Variants in MACROD2 observed in about 807,000 individuals in gnomAD.
The protein encoded by MACROD2 is ADP-ribose glycohydrolase MACROD2.
A neutral mutation model predicts 70.4 loss-of-function variants in MACROD2; 36 were observed. The ratio of observed to expected loss-of-function variants is 0.51; its 90% CI spans 0.39 to 0.68. The LOEUF (loss-of-function observed/expected upper bound fraction) is 0.68, where lower values mean the gene tolerates loss of function less well. Among genes scored for constraint, MACROD2 ranks in the 30% least tolerant of loss-of-function variants. The pLI, the probability that MACROD2 is intolerant of heterozygous loss-of-function variation, is 0.00. For synonymous variants in MACROD2, 172 were observed against 178.8 expected (o/e 0.96, Z 0.30); for missense variants, 496 against 538.4 (o/e 0.92, Z 0.78).
At chr20:14,623,782 T>G (rs369880542) in intron 4 of MACROD2, among the ~76,000 whole-genome samples, 1 of 152,150 alleles carries the variant, frequency 6.6e-6, no homozygotes, top group East Asian at 1.9e-4. Context: ...GCAAAGAAAA[T>G]GGTGATGAGC....
At chr20:14,834,163 A>G (rs1435878226) in intron 5 of MACROD2, among the ~76,000 whole-genome samples, 1 of 151,908 alleles carries the variant, frequency 6.6e-6, no homozygotes, top group Non-Finnish European at 1.5e-5. Flanking sequence ...AACTGTTTAA[A>G]GGTTAGGAAT....
intron 7 of MACROD2, among the ~76,000 whole-genome samples, chr20:15,483,292 C>T (rs560358344): frequency 6.6e-6 from 1 of 152,224 alleles, no homozygotes; most frequent in South Asian, 2.1e-4. Flanking sequence ...TCCAGTTGTT[C>T]CAGCCCAGTT....
At chr20:14,980,741 G>A (rs2074789496) in intron 5 of MACROD2, among the ~76,000 whole-genome samples, 1 of 152,072 alleles carries the variant, frequency 6.6e-6, no homozygotes, top group African/African-American at 2.4e-5. Flanking sequence ...ATTGACCATG[G>A]TAGTATAAAG....
At chr20:15,404,398 T>C (rs567696816) in intron 6 of MACROD2, among the ~76,000 whole-genome samples, 1 of 152,230 alleles carries the variant, frequency 6.6e-6, no homozygotes, top group Non-Finnish European at 1.5e-5. Context: ...AAGCAAATTG[T>C]AATTAGTAAA....
intron 5 of MACROD2, among the ~76,000 whole-genome samples, chr20:15,202,404 T>C (rs1370051226): frequency 1.3e-5 from 2 of 152,200 alleles, no homozygotes; most frequent in African/African-American, 4.8e-5. Flanking sequence ...GATTGTCTCT[T>C]TGGACAACTT....
chr20:15,176,976 G>A (rs2076467004), intron 5 of MACROD2, among the ~76,000 whole-genome samples: 1 of 152,112 alleles, frequency 6.6e-6, no homozygotes, highest in African/African-American at 2.4e-5. Context: ...AGTACATCTG[G>A]TCCAGTTACA....
chr20:15,868,641 T>A (rs1488389144), intron 9 of MACROD2, among the ~76,000 whole-genome samples: 4 of 150,870 alleles, frequency 2.7e-5, no homozygotes, highest in African/African-American at 9.7e-5. Flanking sequence ...GACCATTGGT[T>A]GATAAACTTA....
chr20:15,650,322 C>T (rs463851), intron 8 of MACROD2, among the ~76,000 whole-genome samples: 104,562 of 152,168 alleles, frequency 0.69, 36,768 homozygotes, highest in East Asian at 0.91. Context: ...TCAACAGTTC[C>T]GTGGAGCAGG....
chr20:14,337,121 TGCTGTTTTCCATAAG>T (rs1198255491), intron 3 of MACROD2, among the ~76,000 whole-genome samples: 1 of 152,216 alleles, frequency 6.6e-6, no homozygotes, highest in Non-Finnish European at 1.5e-5. Flanking sequence ...CTTTCCAACT[TGCTGTTTTCCATAAG>T]GCTCTTTTCA....
chr20:15,066,388 C>T (rs1350428039), intron 5 of MACROD2, among the ~76,000 whole-genome samples: 2 of 151,906 alleles, frequency 1.3e-5, no homozygotes, highest in African/African-American at 2.4e-5. Flanking sequence ...CCCACCTCGG[C>T]CTCCCAAACT....
At chr20:14,352,348 A>G (rs1466368836) in intron 3 of MACROD2, 2 of 152,176 alleles carry the variant, frequency 1.3e-5, no homozygotes, top group Non-Finnish European at 2.9e-5. Flanking sequence ...ATAGACTTAA[A>G]TTGGAACGAT....
At chr20:15,979,877 G>A (rs1316740124) in intron 13 of MACROD2, among the ~76,000 whole-genome samples, 1 of 152,106 alleles carries the variant, frequency 6.6e-6, no homozygotes, top group Non-Finnish European at 1.5e-5. Context: ...GCTGTAGCAG[G>A]ACGAGCCGCA....
intron 4 of MACROD2, among the ~76,000 whole-genome samples, chr20:14,570,197 G>A (rs1225449801): frequency 1.3e-5 from 2 of 151,976 alleles, no homozygotes; most frequent in Non-Finnish European, 2.9e-5. Flanking sequence ...ATATACAACG[G>A]CATGGATTAA....
chr20:14,713,806 C>T (rs2123668061), intron 5 of MACROD2, among the ~76,000 whole-genome samples: 1 of 152,268 alleles, frequency 6.6e-6, no homozygotes, highest in South Asian at 2.1e-4. Context: ...CAAAACAAGG[C>T]ATGATTAATT....
chr20:14,785,170 CACAA>C (rs1485219853), intron 5 of MACROD2, among the ~76,000 whole-genome samples: 1 of 151,776 alleles, frequency 6.6e-6, no homozygotes, highest in African/African-American at 2.4e-5. Flanking sequence ...CATGAACACA[CACAA>C]ACACACACAC....
At chr20:15,607,745 G>C (rs1029647422) in intron 8 of MACROD2, among the ~76,000 whole-genome samples, 1 of 152,084 alleles carries the variant, frequency 6.6e-6, no homozygotes, top group African/African-American at 2.4e-5. Context: ...TGTTGGCCAG[G>C]CTGGTCTCAA....
intron 8 of MACROD2, among the ~76,000 whole-genome samples, chr20:15,832,018 G>C (rs1758091542): frequency 6.6e-6 from 1 of 152,110 alleles, no homozygotes; most frequent in Non-Finnish European, 1.5e-5. Flanking sequence ...ACTGAGACTA[G>C]AGCTGAGAAT....
intron 6 of MACROD2, among the ~76,000 whole-genome samples, chr20:15,403,825 G>A (rs976539187): frequency 6.6e-6 from 1 of 152,194 alleles, no homozygotes; most frequent in African/African-American, 2.4e-5. Flanking sequence ...ATAAGAGCAA[G>A]TCCAGGGCAT....
At chr20:15,900,568 T>G (rs1159823794) in intron 10 of MACROD2, among the ~76,000 whole-genome samples, 1 of 152,118 alleles carries the variant, frequency 6.6e-6, no homozygotes, top group Non-Finnish European at 1.5e-5. Flanking sequence ...TAAATGGGAC[T>G]TAGAGAATGT....
Sources: allele counts gnomAD v4.1 joint callset (sites outside exome capture counted in the v4.1 genomes callset), GRCh38; gene constraint gnomAD v4.1.1; transcripts MANE v1.5; gene names NCBI Gene and HGNC (gene_info 2026-07-23, HGNC 2026-07-21).